The following AKAP13 variants were observed in gnomAD, a reference collection of about 807,000 sequenced individuals.
AKAP13 encodes the protein A-kinase anchoring protein 13, also known as A-kinase anchor protein 13.
In AKAP13, 80 loss-of-function variants were observed where a neutral mutation model predicts 264.5. The observed-to-expected ratio is 0.30, with a 90% CI of 0.25 to 0.36. The LOEUF is 0.36. AKAP13 is among the 10% of genes least tolerant of loss of function. AKAP13 has a pLI of 1.00. For missense variants in AKAP13, 3,712 were observed against 3,435.2 expected, an observed-to-expected ratio of 1.08 and a Z score of -2.01; for synonymous variants, 1,380 against 1,250.2, an observed-to-expected ratio of 1.10 and a Z score of -2.19.
chr15:85,643,278 C>G (rs2082395961), intron 9 of AKAP13, among the ~76,000 whole-genome samples: 1 of 151,976 alleles, frequency 6.6e-6, no homozygotes, highest in African/African-American at 2.4e-5. Context: ...ACTGCTTCCC[C>G]CCCAACACTA....
chr15:85,516,890 C>A (rs1182124398), intron 2 of AKAP13, among the ~76,000 whole-genome samples: 2 of 152,162 alleles, frequency 1.3e-5, no homozygotes, highest in African/African-American at 4.8e-5. Flanking sequence ...ACAATAGATA[C>A]AAACTTTCAG....
In AKAP13 at chr15:85,487,731, A is replaced by G. The variant is rs1444607990; in HGVS notation, c.33+1978A>G. ...CAGATGTGCGCCACCATGCCTGGCT[A>G]TTTATTTATGTATTTATTGAGACAA... On this transcript the variant is annotated intron_variant, in intron 2 of 36. Coordinates refer to ENST00000394518, the MANE Select transcript of AKAP13 (RefSeq NM_007200.5). Among the ~76,000 whole-genome samples, 7 of 133,544 alleles carry G rather than the reference A, an allele frequency of 5.2e-5. No homozygotes were observed. In the East Asian group the frequency reaches 1.4e-3, roughly 27 times the overall value. The allele number at this position is 133,544 out of a possible 152,430, so 87.6% of individuals were successfully genotyped here.
intron 36 of AKAP13, 141 bp from the exon 37 acceptor site, chr15:85,744,487 A>G (rs745391308): frequency 1.9e-5 from 16 of 864,418 alleles, no homozygotes; most frequent in Non-Finnish European, 3.1e-5. Flanking sequence ...TTTGTTCAGA[A>G]ACCCCGGTGC....
intron 4 of AKAP13, chr15:85,534,434 G>GT (rs1048404619): frequency 3.9e-5 from 6 of 152,424 alleles, no homozygotes; most frequent in African/African-American, 1.5e-4. Context: ...CTTTTTGTTT[G>GT]TTTTTTGTTT....
At chr15:85,719,880 A>G (rs925249941) in intron 23 of AKAP13, among the ~76,000 whole-genome samples, 3 of 151,696 alleles carry the variant, frequency 2.0e-5, no homozygotes, top group Admixed American at 2.0e-4. Flanking sequence ...ATGCCACTGC[A>G]CTCCAGCCTG....
rs71468134 is a variant in AKAP13, at chr15:85,730,997, C to CTTT, written c.7282+312_7282+314dup. On this transcript the variant is annotated intron_variant, in intron 30 of 36. Transcript: ENST00000394518. ...ACTGTTTTTTAATTAGTCACTTATG[C>CTTT]TTTTTTTTTTTTTTTTTTTTTTTTG... 8.9e-3 allele frequency among the ~76,000 whole-genome samples: 514 copies of CTTT among 57,458 alleles called. 13 individuals carry two copies. The highest frequency in any genetic ancestry group is 0.021 in the Admixed American group (70 of 3,386). The allele number at this position is 57,458 out of a possible 152,430, so 37.7% of individuals were successfully genotyped here. A position where few individuals can be genotyped will look rare whatever the true frequency, so the allele number is the denominator to read the frequency against.
At chr15:85,488,272 G>A (rs28874135) in intron 2 of AKAP13, among the ~76,000 whole-genome samples, 77,571 of 152,044 alleles carry the variant, frequency 0.51, 20,337 homozygotes, top group Middle Eastern at 0.61. Flanking sequence ...CATTTCTGAG[G>A]TAAGTATCAT....
At chr15:85,694,333 C>T (rs1442019135) in intron 17 of AKAP13, among the ~76,000 whole-genome samples, 1 of 152,204 alleles carries the variant, frequency 6.6e-6, no homozygotes, top group Non-Finnish European at 1.5e-5. Flanking sequence ...TTTTTCTGTA[C>T]AAGACCAGAT....
intron 5 of AKAP13, among the ~76,000 whole-genome samples, chr15:85,547,838 T>G (rs1347346349): frequency 6.7e-6 from 1 of 150,282 alleles, no homozygotes; most frequent in Non-Finnish European, 1.5e-5. Context: ...TGAGAAATCT[T>G]AGCCCCAGAA....
chr15:85,531,927 T>C (rs2077254316), intron 3 of AKAP13, among the ~76,000 whole-genome samples: 1 of 152,216 alleles, frequency 6.6e-6, no homozygotes, highest in Non-Finnish European at 1.5e-5. Flanking sequence ...CACATTGCCC[T>C]GTTTATAGGC....
At chr15:85,475,055 C>G (rs1307024653) in intron 1 of AKAP13, among the ~76,000 whole-genome samples, 1 of 152,112 alleles carries the variant, frequency 6.6e-6, no homozygotes, top group East Asian at 1.9e-4. Context: ...TTTAGTCTTT[C>G]CAGGTGGTTT....
At chr15:85,384,716 GAA>G (rs34573727) in intron 1 of AKAP13, among the ~76,000 whole-genome samples, 42 of 113,834 alleles carry the variant, frequency 3.7e-4, no homozygotes, top group Non-Finnish European at 4.7e-4. Context: ...GACTCCGTCT[GAA>G]AAAAAAAAAA....
Position 85,630,214 on chromosome 15 carries a change from GAACT to G in AKAP13, c.4162-9157_4162-9154del, listed in dbSNP as rs2081675494. 1.2e-3 allele frequency among the ~76,000 whole-genome samples: 16 copies of G among 13,494 alleles called. No homozygotes were observed. The South Asian group carries it at 0.019, about 16-fold the overall frequency. The allele number at this position is 13,494 out of a possible 152,430, so 8.9% of individuals were successfully genotyped here. ...ACACACACACACACACACACATCAT[GAACT>G]AAGATGGAAAATTGTAACACACACA... On this transcript the variant is annotated intron_variant, in intron 8 of 36. Coordinates refer to ENST00000394518, the MANE Select transcript of AKAP13 (RefSeq NM_007200.5).
At position 85,483,453 on chromosome 15, in the gene AKAP13, C is replaced by T. The variant is rs1261073514; in HGVS notation, c.-11-2257C>T. ...CATCCTGGCTAACAAGGTGAAACCC[C>T]GTCTCTACTAAATATACAAAAAATT... On this transcript the variant is annotated intron_variant, in intron 1 of 36. Transcript: ENST00000394518. Among the ~76,000 whole-genome samples the T allele has an allele frequency of 2.0e-5, 3 of 151,838 alleles. 1 individual carries two copies. The South Asian group carries it at 6.2e-4, about 32-fold the overall frequency.
chr15:85,469,842 G>C (rs1003322967), intron 1 of AKAP13, among the ~76,000 whole-genome samples: 1 of 152,212 alleles, frequency 6.6e-6, no homozygotes, highest in Non-Finnish European at 1.5e-5. Context: ...TTGTGATAAT[G>C]TGAATGGCAT....
chr15:85,666,070 T>A (rs2083578185), intron 13 of AKAP13, among the ~76,000 whole-genome samples: 1 of 152,248 alleles, frequency 6.6e-6, no homozygotes, highest in Non-Finnish European at 1.5e-5. Context: ...CAAATGGTAT[T>A]TCTAGTTCTA....
chr15:85,532,369 G>A (rs2077268380), intron 3 of AKAP13, among the ~76,000 whole-genome samples: 1 of 152,242 alleles, frequency 6.6e-6, no homozygotes, highest in Admixed American at 6.5e-5. Context: ...GCCTGTGCCC[G>A]TGGTATGGAA....
At chr15:85,458,397 T>G (rs1033517415) in intron 1 of AKAP13, among the ~76,000 whole-genome samples, 4 of 147,426 alleles carry the variant, frequency 2.7e-5, no homozygotes, top group Non-Finnish European at 4.5e-5. Flanking sequence ...TTTTTTGTTT[T>G]TTTTTTTTTT....
At chr15:85,525,553 C>G (rs1481356691) in intron 3 of AKAP13, among the ~76,000 whole-genome samples, 2 of 152,098 alleles carry the variant, frequency 1.3e-5, no homozygotes, top group Non-Finnish European at 2.9e-5. Flanking sequence ...GTGGCTAGTT[C>G]AAGAATATAA....
Sources: allele counts gnomAD v4.1 joint callset (sites outside exome capture counted in the v4.1 genomes callset), GRCh38; gene constraint gnomAD v4.1.1; transcripts MANE v1.5; gene names NCBI Gene and HGNC (gene_info 2026-07-23, HGNC 2026-07-21).